The following TNRC6B variants were observed in gnomAD, a reference collection of about 807,000 sequenced individuals.
The protein encoded by TNRC6B is trinucleotide repeat containing adaptor 6B.
A neutral mutation model predicts 203.6 loss-of-function variants in TNRC6B; 52 were observed. That is an observed-to-expected ratio of 0.26 (90% CI 0.20 to 0.32). The LOEUF is 0.32. TNRC6B is among the 10% of genes least tolerant of loss of function. The pLI, the probability that TNRC6B is intolerant of heterozygous loss-of-function variation, is 1.00. For synonymous variants in TNRC6B, 838 were observed against 845.7 expected (o/e 0.99, Z 0.16); for missense variants, 1,923 against 2,286.2 (o/e 0.84, Z 3.24).
chr22:40,257,027 G>A (rs1327214800), intron 3 of TNRC6B, among the ~76,000 whole-genome samples: 1 of 152,114 alleles, frequency 6.6e-6, no homozygotes, highest in Non-Finnish European at 1.5e-5. Flanking sequence ...AGTGCTGAGA[G>A]GTTACTGAAA....
intron 3 of TNRC6B, among the ~76,000 whole-genome samples, chr22:40,258,200 C>G (rs569875567): frequency 1.3e-5 from 2 of 149,320 alleles, no homozygotes; most frequent in Admixed American, 1.4e-4. Flanking sequence ...CTTTGAACAG[C>G]TCATCTTTAG....
At chr22:40,086,958 CT>C (rs113706084) in intron 1 of TNRC6B, among the ~76,000 whole-genome samples, 2 of 151,878 alleles carry the variant, frequency 1.3e-5, no homozygotes, top group East Asian at 1.9e-4. Context: ...TTTCTTAAGT[CT>C]TTTTTTTATC....
chr22:40,063,909 CCT>C (rs2067874485), intron 1 of TNRC6B, among the ~76,000 whole-genome samples: 1 of 152,056 alleles, frequency 6.6e-6, no homozygotes, highest in Non-Finnish European at 1.5e-5. Flanking sequence ...TGCTATGTTG[CCT>C]AGGTTGGTCT....
chr22:40,253,520 A>G (rs1031954522), intron 3 of TNRC6B: 13 of 440,148 alleles, frequency 3.0e-5, no homozygotes, highest in African/African-American at 1.9e-4. Flanking sequence ...TTTTTTTCCA[A>G]TTGGGGGCTT....
chr22:40,314,315 G>A (rs1404172263), intron 19 of TNRC6B, among the ~76,000 whole-genome samples: 2 of 152,084 alleles, frequency 1.3e-5, no homozygotes, highest in African/African-American at 4.8e-5. Flanking sequence ...GATCCAGGCA[G>A]TTATGATTTC....
chr22:40,200,599 T>C (rs1015671343), intron 1 of TNRC6B, among the ~76,000 whole-genome samples: 3 of 152,226 alleles, frequency 2.0e-5, no homozygotes, highest in Non-Finnish European at 4.4e-5. Context: ...AAAAGTAATA[T>C]TCTTGCCTAA....
intron 1 of TNRC6B, among the ~76,000 whole-genome samples, chr22:40,087,252 C>T (rs1195311722): frequency 6.6e-6 from 1 of 152,034 alleles, no homozygotes; most frequent in Non-Finnish European, 1.5e-5. Context: ...GGAATATTGC[C>T]CCCTTATGGG....
chr22:40,154,860 A>AAAATATAT (rs1555885936), intron 3 of TNRC6B, among the ~76,000 whole-genome samples: 10 of 23,584 alleles, frequency 4.2e-4, no homozygotes, highest in Non-Finnish European at 5.6e-4. Context: ...AAAAAAAAAA[A>AAAATATAT]ATATATATAT....
intron 2 of TNRC6B, among the ~76,000 whole-genome samples, chr22:40,250,311 T>C (rs2070173279): frequency 6.6e-6 from 1 of 152,212 alleles, no homozygotes; most frequent in South Asian, 2.1e-4. Flanking sequence ...CTCCTTTATT[T>C]TCCCCTCTTA....
chr22:40,053,469 CTACAG>C (rs2067767987), intron 1 of TNRC6B, among the ~76,000 whole-genome samples: 1 of 141,710 alleles, frequency 7.1e-6, no homozygotes, highest in African/African-American at 3.0e-5. Context: ...AATTCAAAAA[CTACAG>C]TATGGAAAAA....
chr22:40,078,889 C>G (rs2068042259), intron 1 of TNRC6B, among the ~76,000 whole-genome samples: 1 of 151,868 alleles, frequency 6.6e-6, no homozygotes, highest in Admixed American at 6.6e-5. Context: ...GCCTGCCCAA[C>G]ATGGTGAAAC....
At chr22:40,131,435 T>C (rs540202615) in intron 3 of TNRC6B, among the ~76,000 whole-genome samples, 3 of 151,724 alleles carry the variant, frequency 2.0e-5, no homozygotes, top group African/African-American at 7.3e-5. Flanking sequence ...CAGAAAGATA[T>C]AAAGCAGGTG....
rs185228420 is a variant in TNRC6B, at chr22:40,048,207, G to C, written c.-121+3209G>C. On this transcript the variant is annotated intron_variant, in intron 1 of 23. Transcript: ENST00000301923. ...CACAGTCATTCTTTAAACTTTTGCA[G>C]CCAGATTGTTCCAAGGTTGCCAATT... 2.6e-3 allele frequency among the ~76,000 whole-genome samples: 389 copies of C among 152,206 alleles called. 1 individual carries two copies. Among genetic ancestry groups the C allele is most frequent in the Non-Finnish European group, 3.7e-3 (250 of 68,012 alleles).
intron 1 of TNRC6B, chr22:40,106,438 G>A: frequency 1.2e-6 from 1 of 849,050 alleles, no homozygotes; most frequent in Non-Finnish European, 2.0e-6. Context: ...AATTTTAAGG[G>A]CCACAGGAAG....
At chr22:40,052,205 G>A (rs368053327) in intron 1 of TNRC6B, among the ~76,000 whole-genome samples, 23 of 152,198 alleles carry the variant, frequency 1.5e-4, no homozygotes, top group African/African-American at 3.4e-4. Flanking sequence ...TTAAGTTCTC[G>A]TCATATTCTC....
intron 1 of TNRC6B, among the ~76,000 whole-genome samples, chr22:40,059,199 A>G (rs944470170): frequency 1.1e-4 from 16 of 152,062 alleles, no homozygotes; most frequent in African/African-American, 3.6e-4. Flanking sequence ...CTGCCAATTC[A>G]TTGTCCCCCT....
intron 12 of TNRC6B, among the ~76,000 whole-genome samples, chr22:40,286,795 T>C (rs560667650): frequency 6.6e-6 from 1 of 152,292 alleles, no homozygotes; most frequent in East Asian, 1.9e-4. Flanking sequence ...CCACATACTT[T>C]CCCTGTTCCC....
At chr22:40,299,240 C>CTT (rs1254026942) in intron 12 of TNRC6B, among the ~76,000 whole-genome samples, 11 of 134,944 alleles carry the variant, frequency 8.2e-5, no homozygotes, top group South Asian at 2.4e-4. Context: ...GAACTAAAGT[C>CTT]TTTTTTTTTT....
chr22:40,099,929 T>A (rs1302852373), intron 1 of TNRC6B, among the ~76,000 whole-genome samples: 3 of 152,060 alleles, frequency 2.0e-5, no homozygotes. Flanking sequence ...TTTTTTGTAT[T>A]TTTAGCAGAG....
Sources: gnomAD v4.1 joint callset for allele counts (sites outside exome capture counted in the v4.1 genomes callset) on GRCh38, gnomAD v4.1.1 for gene constraint, MANE v1.5 for transcripts, NCBI Gene and HGNC (gene_info 2026-07-23, HGNC 2026-07-21) for gene names.